KIF1B: variants seen among roughly 807,000 people sequenced by gnomAD.
The protein encoded by KIF1B is kinesin-like protein KIF1B.
KIF1B carries 76 observed loss-of-function variants against 241.9 expected under a neutral mutation model. The observed-to-expected ratio is 0.31, with a 90% confidence interval of 0.26 to 0.38. The LOEUF (loss-of-function observed/expected upper bound fraction) is 0.38, where lower values mean the gene tolerates loss of function less well. Among genes scored for constraint, KIF1B ranks in the 10% least tolerant of loss-of-function variants. The pLI is 1.00. For synonymous variants in KIF1B, 750 were observed against 796.7 expected, an observed-to-expected ratio of 0.94 and a Z score of 0.99; for missense variants, 1,622 against 2,271.4, an observed-to-expected ratio of 0.71 and a Z score of 5.81.
At chr1:10,261,270 ATT>A (rs141281398) in intron 4 of KIF1B, among the ~76,000 whole-genome samples, 38 of 136,918 alleles carry the variant, frequency 2.8e-4, no homozygotes, top group Non-Finnish European at 2.9e-4. Context: ...ACCTGGCCAA[ATT>A]TTTTTTTTTT....
intron 2 of KIF1B, among the ~76,000 whole-genome samples, chr1:10,241,732 TAGG>T (rs980672848): frequency 2.6e-5 from 4 of 152,194 alleles, no homozygotes; most frequent in African/African-American, 9.7e-5. Flanking sequence ...TGGTTTCTCA[TAGG>T]AGAAAGCAAC....
intron 2 of KIF1B, among the ~76,000 whole-genome samples, chr1:10,247,807 G>A (rs910606361): frequency 3.3e-5 from 5 of 152,188 alleles, no homozygotes; most frequent in African/African-American, 9.6e-5. Context: ...ACCAGGGACC[G>A]GTTTTGTGGA....
Position 10,314,009 on chromosome 1 carries a change from T to G in KIF1B, c.2116-6034T>G, listed in dbSNP as rs1651194345. On this transcript the variant is annotated intron_variant, in intron 22 of 48. Transcript: ENST00000676179. ...TCCTGGGTTCAAGCAGTTCTCCTGC[T>G]CAGCCTTCCGAGTAGCTGGGATTAC... Among the ~76,000 whole-genome samples, 3 of 151,188 alleles carry G rather than the reference T, an allele frequency of 2.0e-5. No homozygotes were observed. The East Asian group carries it at 5.9e-4, about 29-fold the overall frequency.
Position 10,375,385 on chromosome 1 carries a change from T to G in KIF1B, c.5408+12T>G. On this transcript the variant is annotated intron_variant, in intron 48 of 48. Transcript: ENST00000676179. ...GCTGGCACAATACGGTAAGAAGTTT[T>G]GTTGTTGTTGTTGTTGTTTTTGAGA... The G allele has an allele frequency of 6.5e-7, 1 of 1,547,650 alleles. No homozygotes were observed. Among genetic ancestry groups the G allele is most frequent in the Non-Finnish European group, 8.9e-7 (1 of 1,122,012 alleles).
intron 2 of KIF1B, among the ~76,000 whole-genome samples, chr1:10,238,736 CAA>C (rs747588155): frequency 1.2e-4 from 18 of 145,580 alleles, no homozygotes; most frequent in Non-Finnish European, 2.1e-4. Flanking sequence ...ACAACAACAA[CAA>C]AAAACACCAA....
intron 2 of KIF1B, among the ~76,000 whole-genome samples, chr1:10,238,036 T>G (rs1647081008): frequency 1.3e-5 from 2 of 151,320 alleles, no homozygotes; most frequent in Admixed American, 6.6e-5. Context: ...GAAAGAAAAT[T>G]TGGGATGGAG....
chr1:10,265,902 G>A lies in KIF1B; in HGVS notation c.430-1478G>A, dbSNP rs528529184. Among the ~76,000 whole-genome samples the A allele has an allele frequency of 3.9e-5, 6 of 152,162 alleles. No homozygotes were observed. The South Asian group carries it at 1.2e-3, about 32-fold the overall frequency. ...ATAAAAATACAGTTAGAGACTGAAT[G>A]AAAGAAAAAGGCAATAGAAATGGAA... is the stretch of plus-strand genomic sequence containing the variant. On this transcript the variant is annotated intron_variant, in intron 5 of 48. Coordinates refer to ENST00000676179, the MANE Select transcript of KIF1B (RefSeq NM_001365951.3).
At chr1:10,311,049 C>A (rs1651043923) in intron 22 of KIF1B, among the ~76,000 whole-genome samples, 2 of 151,416 alleles carry the variant, frequency 1.3e-5, no homozygotes, top group African/African-American at 4.9e-5. Context: ...CTAGCCCAGC[C>A]CTTGCTCCCT....
At chr1:10,292,812 A>G (rs541497754) in intron 17 of KIF1B, among the ~76,000 whole-genome samples, 25 of 152,300 alleles carry the variant, frequency 1.6e-4, no homozygotes, top group Middle Eastern at 3.4e-3. Context: ...TCAAATGGTT[A>G]TTTTGTGTGC....
chr1:10,315,290 G>A (rs540513026), intron 22 of KIF1B, among the ~76,000 whole-genome samples: 9 of 141,824 alleles, frequency 6.3e-5, no homozygotes, highest in South Asian at 2.3e-4. Context: ...TGATTCTCCC[G>A]CCTCAGCCTC....
intron 22 of KIF1B, chr1:10,307,877 C>T: frequency 9.5e-7 from 1 of 1,047,808 alleles, no homozygotes; most frequent in Non-Finnish European, 1.2e-6. Context: ...AAGTGTAAAC[C>T]AAAGGGCATT....
intron 5 of KIF1B, among the ~76,000 whole-genome samples, chr1:10,265,430 T>G (rs1056707137): frequency 1.3e-5 from 2 of 151,882 alleles, no homozygotes; most frequent in African/African-American, 4.8e-5. Flanking sequence ...GAAGTGGGGT[T>G]TTACCATGTT....
intron 22 of KIF1B, chr1:10,298,823 A>G (rs1650395353): frequency 6.6e-6 from 1 of 152,138 alleles, no homozygotes; most frequent in African/African-American, 2.4e-5. Flanking sequence ...ACTTATGCAT[A>G]TGTATAAGTA....
chr1:10,242,093 C>G (rs541266008), intron 2 of KIF1B, among the ~76,000 whole-genome samples: 26 of 152,096 alleles, frequency 1.7e-4, no homozygotes, highest in African/African-American at 5.5e-4. Flanking sequence ...ATAAGAAATA[C>G]GAAGTTAGGT....
chr1:10,258,388 A>T (rs1254169022), intron 3 of KIF1B, 105 bp from the exon 4 acceptor site: 16 of 1,190,942 alleles, frequency 1.3e-5, no homozygotes, highest in Non-Finnish European at 1.9e-5. Context: ...AGGGAATTTT[A>T]GGTGACTGTT....
At chr1:10,290,440 T>C (rs942653316) in intron 15 of KIF1B, among the ~76,000 whole-genome samples, 14 of 152,104 alleles carry the variant, frequency 9.2e-5, no homozygotes, top group African/African-American at 2.4e-4. Flanking sequence ...TATGGCGAAA[T>C]TGTAGTGAAA....
rs374263753 is a variant in KIF1B at position 10,303,559 on chromosome 1, G to T, written c.2115+6313G>T. The T allele has an allele frequency of 6.2e-7, 1 of 1,614,194 alleles. No individual in the cohort carries two copies. Among genetic ancestry groups the T allele is most frequent in the Non-Finnish European group, 8.5e-7 (1 of 1,180,034 alleles). On this transcript the variant is annotated intron_variant, in intron 22 of 48. Coordinates refer to ENST00000676179, the MANE Select transcript of KIF1B (RefSeq NM_001365951.3). The surrounding 1 kb of genome is among the most constrained non-coding windows in gnomAD (Gnocchi z 5.2). ...CTCCTGGAGGGCAGTGGCCAGGGAC[G>T]TCTGGGATACCGTCGGTGTTGGGGA...
At chr1:10,339,953 T>C in intron 32 of KIF1B, 94 bp downstream of exon 32, 1 of 1,043,562 alleles carries the variant, frequency 9.6e-7, no homozygotes, top group East Asian at 2.5e-5. Flanking sequence ...TACAAGTCAC[T>C]GGCTGTGCAG....
chr1:10,340,368 G>T (rs1489755079), intron 32 of KIF1B, among the ~76,000 whole-genome samples: 2 of 152,066 alleles, frequency 1.3e-5, no homozygotes, highest in Non-Finnish European at 2.9e-5. Context: ...CCTCTCTTAC[G>T]TGAAATTTCA....
Sources: allele counts gnomAD v4.1 joint callset (sites outside exome capture counted in the v4.1 genomes callset), GRCh38; gene constraint gnomAD v4.1.1; non-coding constraint Gnocchi (gnomAD v3.1); transcripts MANE v1.5; gene names NCBI Gene and HGNC (gene_info 2026-07-23, HGNC 2026-07-21).